Variants in MLLT6 observed in about 807,000 individuals in gnomAD.
The protein encoded by MLLT6 is MLLT6, PHD finger containing, also known as protein AF-17.
MLLT6 carries 22 observed loss-of-function variants against 103.0 expected under a neutral mutation model. That is an observed-to-expected ratio of 0.21 (90% CI 0.15 to 0.31). MLLT6 has a LOEUF of 0.31. Ranked by LOEUF, MLLT6 falls within the 10% of genes least tolerant of loss-of-function variation. The pLI is 1.00. For missense variants in MLLT6, 1,199 were observed against 1,441.7 expected (o/e 0.83, Z 2.73); for synonymous variants, 606 against 623.5 (o/e 0.97, Z 0.42).
Position 38,720,483 on chromosome 17 carries a change from A to G in MLLT6, c.2267A>G (p.Gln756Arg). The G allele has an allele frequency of 2.5e-6, 4 of 1,612,890 alleles. No individual in the cohort carries two copies. The highest frequency in any genetic ancestry group is 3.4e-6 in the Non-Finnish European group (4 of 1,179,926). Residue 756 changes from glutamine (Q) to arginine (R), a missense_variant, in exon 15 of 20, where the codon CAG becomes CGG. Gln to Arg is a conservative substitution (Grantham distance 43, BLOSUM62 1). Coordinates refer to ENST00000621332, the MANE Select transcript of MLLT6 (RefSeq NM_005937.4). Reference protein sequence around the residue: ...KKERLQILNVQLSVPFPALPA... With the variant: ...KKERLQILNVRLSVPFPALPA... ...GAGCGGCTGCAGATTCTCAACGTGC[A>G]GCTCTCTGTGCCCTTCCCTGCCCTG...
At chr17:38,723,359 G>A (rs149376033) in intron 18 of MLLT6, among the ~76,000 whole-genome samples, 2,055 of 152,214 alleles carry the variant, frequency 0.014, 22 homozygotes, top group Non-Finnish European at 0.02. Context: ...GGGCGTGGTG[G>A]TGCACGCCTG....
At chr17:38,718,055 C>G in intron 12 of MLLT6, 102 bp downstream of exon 12, 2 of 825,540 alleles carry the variant, frequency 2.4e-6, no homozygotes, top group Admixed American at 2.2e-5. Context: ...CTGGCTGCCC[C>G]CTCCCTCTGG....
chr17:38,705,755 C>T lies in MLLT6; in HGVS notation c.109+14C>T, dbSNP rs1904878908. 2.0e-5 allele frequency: 27 copies of T among 1,330,678 alleles called. No individual in the cohort carries two copies. Among genetic ancestry groups the T allele is most frequent in the Non-Finnish European group, 2.6e-5 (27 of 1,019,184 alleles). 82.4% of individuals were successfully genotyped at this position (1,330,678 alleles called of 1,614,324 possible). Reference sequence around the variant, plus strand: ...CCGTCCACCAAGGTACGGGGGTGGCCCGCGGGGGGCGGCGGGACCCCGGGG... The same window carrying T: ...CCGTCCACCAAGGTACGGGGGTGGCTCGCGGGGGGCGGCGGGACCCCGGGG... On this transcript the variant is annotated intron_variant, in intron 1 of 19. Coordinates refer to ENST00000621332, the MANE Select transcript of MLLT6 (RefSeq NM_005937.4).
intron 1 of MLLT6, 35 bp downstream of exon 1, chr17:38,705,776 C>A (rs1236191990): frequency 1.8e-6 from 2 of 1,128,438 alleles, no homozygotes; most frequent in Non-Finnish European, 2.3e-6. Context: ...GGCGGGACCC[C>A]GGGGGCGGCG....
At chr17:38,706,605 GT>G in intron 1 of MLLT6, 1 of 223,478 alleles carries the variant, frequency 4.5e-6, no homozygotes, top group East Asian at 9.3e-5. Context: ...TTTGACGGTC[GT>G]GACTGTTGTC....
At chr17:38,720,317 CTG>C in intron 14 of MLLT6, 53 bp from the exon 15 acceptor site, 15 of 776,598 alleles carry the variant, frequency 1.9e-5, no homozygotes, top group East Asian at 2.7e-5. Flanking sequence ...CCCCGGTCCC[CTG>C]GCCCCGCCTC....
chr17:38,708,189 A>G, intron 4 of MLLT6: 1 of 405,160 alleles, frequency 2.5e-6, no homozygotes, highest in Non-Finnish European at 4.5e-6. Context: ...TAGCTGGCAC[A>G]CGCTGTTCGG....
Position 38,728,558 on chromosome 17 carries a change from G to T in MLLT6, c.*2960G>T. 1 of 233,530 alleles carries T rather than the reference G, an allele frequency of 4.3e-6. No individual in the cohort carries two copies. The allele number at this position is 233,530 out of a possible 1,614,324, so 14.5% of individuals were successfully genotyped here. ...GAGTGGGGGTGCATATAGAGGCAGT[G>T]CCTGCTGTGGGGTCACAACTGGTGC... is the stretch of plus-strand genomic sequence containing the variant. On this transcript the variant is annotated 3_prime_UTR_variant, in exon 20 of 20. Transcript: ENST00000621332.
rs968948010 is a variant in MLLT6 at position 38,729,562 on chromosome 17, G to A, written c.*3964G>A. 7.3e-5 allele frequency: 17 copies of A among 232,856 alleles called. No homozygotes were observed. Among genetic ancestry groups the A allele is most frequent in the African/African-American group, 3.5e-4 (16 of 45,222 alleles). The allele number at this position is 232,856 out of a possible 1,614,324, so 14.4% of individuals were successfully genotyped here. On this transcript the variant is annotated 3_prime_UTR_variant, in exon 20 of 20. Transcript: ENST00000621332. ...TTTCCATGTAGCAGACCCTTCCTAGGGAGCAGGGAGGGGAAGCCACAGATT... is the reference window on the plus strand; with the variant it reads ...TTTCCATGTAGCAGACCCTTCCTAGAGAGCAGGGAGGGGAAGCCACAGATT...
Position 38,709,027 on chromosome 17 carries a change from A to G in MLLT6, c.355-146A>G. 3.0e-6 allele frequency: 2 copies of G among 669,114 alleles called. No individual in the cohort carries two copies. Among genetic ancestry groups the G allele is most frequent in the East Asian group, 2.5e-5 (1 of 39,532 alleles). 41.4% of individuals were successfully genotyped at this position (669,114 alleles called of 1,614,324 possible). A position where few individuals can be genotyped will look rare whatever the true frequency, so the allele number is the denominator to read the frequency against. The stretch of plus-strand genomic sequence containing the variant: ...ATTTGTCTTGGACGGCGCAGACCAT[A>G]GAGCGTTTTCATCACTGCAGACAGT... On this transcript the variant is annotated intron_variant, in intron 4 of 19. Coordinates refer to ENST00000621332, the MANE Select transcript of MLLT6 (RefSeq NM_005937.4). The surrounding 1 kb of genome is among the most constrained non-coding windows in gnomAD (Gnocchi z 4.3).
Position 38,724,386 on chromosome 17 carries a change from T to C in MLLT6, c.2884-234T>C. 4.1e-6 allele frequency: 2 copies of C among 493,734 alleles called. No homozygotes were observed. Among genetic ancestry groups the C allele is most frequent in the Non-Finnish European group, 7.1e-6 (2 of 280,706 alleles). 30.6% of individuals were successfully genotyped at this position (493,734 alleles called of 1,614,324 possible). ...GGGCCAGAGATATTAAATACCCTGC[T>C]GTTGGCCGGCAGTGCTGCAGCTGGC... On this transcript the variant is annotated intron_variant, in intron 18 of 19. Coordinates refer to ENST00000621332, the MANE Select transcript of MLLT6 (RefSeq NM_005937.4). The surrounding 1 kb of genome is among the most constrained non-coding windows in gnomAD (Gnocchi z 5.4).
intron 17 of MLLT6, 30 bp from the exon 18 acceptor site, chr17:38,722,648 T>TCCCCCCCCCCCCCCCCCCCCCCCCC: frequency 2.3e-6 from 1 of 441,544 alleles, no homozygotes; most frequent in Non-Finnish European, 4.1e-6. Context: ...CTGTGTGTTG[T>TCCCCCCCCCCCCCCCCCCCCCCCCC]CCCCCCCCCA....
In MLLT6 at chr17:38,719,243, C is replaced by A. The variant is rs139784196; in HGVS notation, c.1943-274C>A. 110 of 498,830 alleles carry A rather than the reference C, an allele frequency of 2.2e-4. 1 individual carries two copies. The highest frequency in any genetic ancestry group is 2.2e-3 in the African/African-American group (109 of 50,252). The allele number at this position is 498,830 out of a possible 1,614,324, so 30.9% of individuals were successfully genotyped here. A position where few individuals can be genotyped will look rare whatever the true frequency, so the allele number is the denominator to read the frequency against. ...TCAAATTTCTATAACTCTGAAGATC[C>A]CAGGAAAGGAATTGGGCGGTGGATC... On this transcript the variant is annotated intron_variant, in intron 12 of 19. Transcript: ENST00000621332.
At position 38,724,373 on chromosome 17, in the gene MLLT6, T is replaced by C. The variant is rs142421127; in HGVS notation, c.2884-247T>C. 5 of 476,202 alleles carry C rather than the reference T, an allele frequency of 1.0e-5. No individual in the cohort carries two copies. The highest frequency in any genetic ancestry group is 6.0e-5 in the African/African-American group (3 of 50,336). 29.5% of individuals were successfully genotyped at this position (476,202 alleles called of 1,614,324 possible). A position where few individuals can be genotyped will look rare whatever the true frequency, so the allele number is the denominator to read the frequency against. ...GATTCTGTGGGCAGGGCCAGAGATATTAAATACCCTGCTGTTGGCCGGCAG... is the reference window on the plus strand; with the variant it reads ...GATTCTGTGGGCAGGGCCAGAGATACTAAATACCCTGCTGTTGGCCGGCAG... On this transcript the variant is annotated intron_variant, in intron 18 of 19. Transcript: ENST00000621332. This position sits in a 1 kb window ranked among gnomAD's most constrained non-coding sequence, Gnocchi z 5.4.
At chr17:38,718,255 A>C in intron 12 of MLLT6, 1 of 267,404 alleles carries the variant, frequency 3.7e-6, no homozygotes, top group Non-Finnish European at 7.1e-6. Flanking sequence ...GGCGCCTGTA[A>C]TCCCAGCTAC....
intron 8 of MLLT6, chr17:38,713,273 A>C: frequency 4.8e-6 from 2 of 416,330 alleles, no homozygotes; most frequent in Non-Finnish European, 4.2e-6. Context: ...GTATCCCGAA[A>C]CTCCCACTCA....
At chr17:38,725,487 A>G in intron 19 of MLLT6, 70 bp from the exon 20 acceptor site, 1 of 1,422,894 alleles carries the variant, frequency 7.0e-7, no homozygotes, top group Non-Finnish European at 9.8e-7. Context: ...TTGGCCTAGG[A>G]AGCTGTTCTT....
Position 38,724,525 on chromosome 17 carries a change from T to G in MLLT6, c.2884-95T>G. Reference sequence around the variant, plus strand: ...CAGGCCTCTTGCCTCCTGATTCCAGTGTGATGGGGTGGGGCCTGGCCAGGC... The same window carrying G: ...CAGGCCTCTTGCCTCCTGATTCCAGGGTGATGGGGTGGGGCCTGGCCAGGC... On this transcript the variant is annotated intron_variant, in intron 18 of 19. Transcript: ENST00000621332. The surrounding 1 kb of genome is among the most constrained non-coding windows in gnomAD (Gnocchi z 5.4). 1.1e-6 allele frequency: 1 copy of G among 884,046 alleles called. No homozygotes were observed. The highest frequency in any genetic ancestry group is 1.7e-6 in the Non-Finnish European group (1 of 578,876). 54.8% of individuals were successfully genotyped at this position (884,046 alleles called of 1,614,324 possible). A position where few individuals can be genotyped will look rare whatever the true frequency, so the allele number is the denominator to read the frequency against.
Position 38,709,645 on chromosome 17 carries a change from T to C in MLLT6, c.552+70T>C. 8.0e-7 allele frequency: 1 copy of C among 1,255,514 alleles called. No homozygotes were observed. Among genetic ancestry groups the C allele is most frequent in the Non-Finnish European group, 1.2e-6 (1 of 860,486 alleles). 77.8% of individuals were successfully genotyped at this position (1,255,514 alleles called of 1,614,324 possible). On this transcript the variant is annotated intron_variant, in intron 6 of 19. Transcript: ENST00000621332. The surrounding 1 kb of genome is among the most constrained non-coding windows in gnomAD (Gnocchi z 4.3). ...TAAGATGGTTAGAGGGCATGGGCTC[T>C]GGGCCAGGCCAGTGCCTGGTGCTAG...
Sources: gnomAD v4.1 joint callset for allele counts (sites outside exome capture counted in the v4.1 genomes callset) on GRCh38, gnomAD v4.1.1 for gene constraint, Gnocchi (gnomAD v3.1) non-coding constraint, MANE v1.5 for transcripts, NCBI Gene and HGNC (gene_info 2026-07-23, HGNC 2026-07-21) for gene names.